MSH4: variants seen among roughly 807,000 people sequenced by gnomAD.
MSH4 encodes the protein mutS homolog 4, also known as mutS protein homolog 4.
MSH4 carries 106 observed loss-of-function variants against 113.7 expected under a neutral mutation model. That is an observed-to-expected ratio of 0.93 (90% CI 0.80 to 1.10). The LOEUF is 1.10. Among genes scored for constraint, MSH4 ranks in the 50% least tolerant of loss-of-function variants. MSH4 has a pLI of 0.00. For missense variants in MSH4, 1,061 were observed against 1,093.7 expected (o/e 0.97, Z 0.42); for synonymous variants, 368 against 380.2 (o/e 0.97, Z 0.37).
intron 7 of MSH4, among the ~76,000 whole-genome samples, chr1:75,843,037 C>T (rs895279139): frequency 2.8e-4 from 43 of 152,194 alleles, no homozygotes; most frequent in African/African-American, 9.9e-4. Context: ...TACTAAAAGT[C>T]TCTGATATGC....
intron 7 of MSH4, among the ~76,000 whole-genome samples, chr1:75,832,513 G>T (rs1650723376): frequency 1.3e-5 from 2 of 152,172 alleles, no homozygotes; most frequent in African/African-American, 4.8e-5. Flanking sequence ...TATCCCTGAT[G>T]AACATCGATG....
At chr1:75,816,636 T>C (rs909481730) in intron 6 of MSH4, 90 bp downstream of exon 6, 3 of 837,598 alleles carry the variant, frequency 3.6e-6, no homozygotes, top group Non-Finnish European at 4.9e-6. Flanking sequence ...TTTTCTTTTT[T>C]AAATTTTGAG....
At chr1:75,840,010 C>T (rs1475883172) in intron 7 of MSH4, among the ~76,000 whole-genome samples, 1 of 148,854 alleles carries the variant, frequency 6.7e-6, no homozygotes, top group Non-Finnish European at 1.5e-5. Context: ...ATTAAAAAGT[C>T]AGGAAACAAC....
At chr1:75,881,449 G>C in intron 14 of MSH4, 79 bp downstream of exon 14, 1 of 1,455,082 alleles carries the variant, frequency 6.9e-7, no homozygotes, top group Non-Finnish European at 9.3e-7. Flanking sequence ...TAATAGTTAT[G>C]ACATTTAAAA....
At chr1:75,840,046 C>T (rs1450210732) in intron 7 of MSH4, among the ~76,000 whole-genome samples, 4 of 151,652 alleles carry the variant, frequency 2.6e-5, no homozygotes, top group South Asian at 2.1e-4. Flanking sequence ...TGTGGAGAAA[C>T]AGGAACACTT....
intron 8 of MSH4, among the ~76,000 whole-genome samples, chr1:75,850,808 G>A (rs1651169741): frequency 6.6e-6 from 1 of 152,046 alleles, no homozygotes; most frequent in Non-Finnish European, 1.5e-5. Context: ...TTGTGGATTT[G>A]TCTATTTTTC....
chr1:75,823,268 A>G (rs767845136), intron 7 of MSH4, among the ~76,000 whole-genome samples: 4 of 152,224 alleles, frequency 2.6e-5, no homozygotes, highest in Non-Finnish European at 5.9e-5. Flanking sequence ...CATTAGCTTG[A>G]TTACATTTGC....
rs1300276651 is a variant in MSH4 at position 75,881,333 on chromosome 1, A to G, written c.1869A>G (p.Leu623=). The G allele has an allele frequency of 6.2e-7, 1 of 1,612,036 alleles. No homozygotes were observed. ...ACACTGTGTCAATGCTGGATATGCT[A>G]CTGTCATTTGCTCATGCCTGCACTC... is the stretch of plus-strand genomic sequence containing the variant. ...LSDTVSMLDM[L]LSFAHACTLS... Residue 623 remains leucine (L), a synonymous_variant, in exon 14 of 20, where the codon CTA becomes CTG. Transcript: ENST00000263187.
At chr1:75,842,745 C>T (rs1003663895) in intron 7 of MSH4, among the ~76,000 whole-genome samples, 15 of 152,130 alleles carry the variant, frequency 9.9e-5, no homozygotes, top group Middle Eastern at 3.2e-3. Context: ...CGTTGCCAGG[C>T]GGACCTTGGT....
At chr1:75,832,503 T>A (rs531278408) in intron 7 of MSH4, among the ~76,000 whole-genome samples, 1 of 152,248 alleles carries the variant, frequency 6.6e-6, no homozygotes, top group East Asian at 1.9e-4. Context: ...TTTAGACCAA[T>A]ATCCCTGATG....
rs370873224 is a variant in MSH4 at position 75,899,607 on chromosome 1, A to T, written c.2531-11A>T. ...CAATATTGAAGCCAAATTTAAAACAAATAATTCTAGGATTAAAAGCTGCAG... is the reference window on the plus strand; with the variant it reads ...CAATATTGAAGCCAAATTTAAAACATATAATTCTAGGATTAAAAGCTGCAG... On this transcript the variant is annotated splice_polypyrimidine_tract_variant and intron_variant, in intron 18 of 19. Coordinates refer to ENST00000263187, the MANE Select transcript of MSH4 (RefSeq NM_002440.4). 7.5e-6 allele frequency: 11 copies of T among 1,463,258 alleles called. No homozygotes were observed. Among genetic ancestry groups the T allele is most frequent in the Non-Finnish European group, 9.1e-6 (10 of 1,103,814 alleles). 90.6% of individuals were successfully genotyped at this position (1,463,258 alleles called of 1,614,324 possible).
chr1:75,834,116 A>G (rs1650772576), intron 7 of MSH4, among the ~76,000 whole-genome samples: 1 of 152,210 alleles, frequency 6.6e-6, no homozygotes, highest in African/African-American at 2.4e-5. Context: ...AAAAGTGGGC[A>G]AAGGATATGA....
intron 15 of MSH4, among the ~76,000 whole-genome samples, chr1:75,886,844 T>C (rs1358659641): frequency 1.4e-5 from 2 of 140,604 alleles, no homozygotes; most frequent in Admixed American, 7.4e-5. Context: ...ATATATTATA[T>C]ATATATATAT....
chr1:75,851,925 G>A (rs1651197310), intron 8 of MSH4, among the ~76,000 whole-genome samples: 1 of 152,094 alleles, frequency 6.6e-6, no homozygotes, highest in African/African-American at 2.4e-5. Flanking sequence ...CAATTTAATT[G>A]TCTTTAATGC....
rs1358384639 is a variant in MSH4, at chr1:75,797,213, C to T, written c.228C>T (p.Asn76=). The T allele has an allele frequency of 5.0e-6, 8 of 1,605,014 alleles. No homozygotes were observed. Among genetic ancestry groups the T allele is most frequent in the Non-Finnish European group, 6.0e-6 (7 of 1,176,084 alleles). Residue 76 remains asparagine (N), a synonymous_variant, in exon 1 of 20, where the codon AAC becomes AAT. Coordinates refer to ENST00000263187, the MANE Select transcript of MSH4 (RefSeq NM_002440.4). ...GCAGCCTTCCCTGCCCCGCGCCAAA[C>T]TCCCGGCCAGCTCAAGGCAAGGAGT... is the stretch of plus-strand genomic sequence containing the variant. The part of the protein sequence containing the change: ...SSSSLPCPAP[N]SRPAQGSYFG...
chr1:75,872,550 A>G (rs1354514915), intron 9 of MSH4, among the ~76,000 whole-genome samples: 1 of 152,214 alleles, frequency 6.6e-6, no homozygotes, highest in East Asian at 1.9e-4. Flanking sequence ...TTGCAGTTCT[A>G]TGCTGAAAGT....
chr1:75,907,280 A>T (rs1307212024), intron 19 of MSH4, among the ~76,000 whole-genome samples: 1 of 151,920 alleles, frequency 6.6e-6, no homozygotes, highest in Non-Finnish European at 1.5e-5. Context: ...TAGGTATAGT[A>T]TTCTCAGTTT....
chr1:75,840,787 C>T (rs1046898799), intron 7 of MSH4, among the ~76,000 whole-genome samples: 2 of 152,210 alleles, frequency 1.3e-5, no homozygotes, highest in East Asian at 1.9e-4. Context: ...AGATGAGGAA[C>T]ATTAAGCTAT....
chr1:75,801,018 G>A (rs1373258811), intron 1 of MSH4, among the ~76,000 whole-genome samples: 1 of 152,066 alleles, frequency 6.6e-6, no homozygotes, highest in Non-Finnish European at 1.5e-5. Flanking sequence ...GAACAATGCA[G>A]GTATAGAGCT....
Sources: allele counts gnomAD v4.1 joint callset (sites outside exome capture counted in the v4.1 genomes callset), GRCh38; gene constraint gnomAD v4.1.1; transcripts MANE v1.5; gene names NCBI Gene and HGNC (gene_info 2026-07-23, HGNC 2026-07-21).